The following SLC24A2 variants were observed in gnomAD, a reference collection of about 807,000 sequenced individuals.
The protein encoded by SLC24A2 is solute carrier family 24 member 2.
In SLC24A2, 36 loss-of-function variants were observed where a neutral mutation model predicts 62.0. The ratio of observed to expected loss-of-function variants is 0.58; its 90% CI spans 0.44 to 0.77. SLC24A2 has a LOEUF of 0.77. Ranked by LOEUF, SLC24A2 falls within the 30% of genes least tolerant of loss-of-function variation. The pLI is 0.00. For missense variants in SLC24A2, 846 were observed against 817.9 expected, an observed-to-expected ratio of 1.03 and a Z score of -0.42; for synonymous variants, 358 against 294.0, an observed-to-expected ratio of 1.22 and a Z score of -2.23.
At chr9:20,128,694 G>A in the SLC24A2 span, among the ~76,000 whole-genome samples, 1 of 152,076 alleles carries the variant, frequency 6.6e-6, no homozygotes, top group African/African-American at 2.4e-5. Flanking sequence ...AAGGTGCTAA[G>A]ACCGCTCAAT....
At chr9:20,274,878 G>C in the SLC24A2 span, among the ~76,000 whole-genome samples, 1 of 152,136 alleles carries the variant, frequency 6.6e-6, no homozygotes, top group East Asian at 1.9e-4. Flanking sequence ...GGTGGTACTA[G>C]ACATCAGTCA....
the SLC24A2 span, among the ~76,000 whole-genome samples, chr9:20,145,789 A>G: frequency 2.6e-5 from 4 of 152,008 alleles, no homozygotes; most frequent in Non-Finnish European, 4.4e-5. Flanking sequence ...ATATATGTAT[A>G]TGTGTATATG....
At chr9:19,725,069 T>C (rs578191420) in intron 2 of SLC24A2, among the ~76,000 whole-genome samples, 1 of 152,258 alleles carries the variant, frequency 6.6e-6, no homozygotes, top group African/African-American at 2.4e-5. Flanking sequence ...TTCAGTACTG[T>C]ACATGCCAGT....
chr9:20,215,753 C>A, the SLC24A2 span, among the ~76,000 whole-genome samples: 1 of 152,156 alleles, frequency 6.6e-6, no homozygotes, highest in Non-Finnish European at 1.5e-5. Context: ...TTTTTGGTAA[C>A]AGATCCACCC....
the SLC24A2 span, among the ~76,000 whole-genome samples, chr9:20,127,531 C>T: frequency 1.3e-5 from 2 of 152,082 alleles, no homozygotes; most frequent in Non-Finnish European, 2.9e-5. Flanking sequence ...GTTTAATCCC[C>T]AGTTTCATCT....
chr9:19,576,915 T>C lies in SLC24A2; in HGVS notation c.1228+9A>G, dbSNP rs1487364156. 2 of 1,600,522 alleles carry C rather than the reference T, an allele frequency of 1.2e-6. No individual in the cohort carries two copies. Among genetic ancestry groups the C allele is most frequent in the Admixed American group, 3.3e-5 (2 of 60,000 alleles). On this transcript the variant is annotated intron_variant, in intron 6 of 10. Transcript: ENST00000341998. The stretch of plus-strand genomic sequence containing the variant: ...GAAAGGTATGGGGTGGATGTTTCCC[T>C]GCACTCACCCACGTGGTTGGCAGCC...
the SLC24A2 span, among the ~76,000 whole-genome samples, chr9:20,152,276 C>A: frequency 6.6e-6 from 1 of 151,878 alleles, no homozygotes; most frequent in Admixed American, 6.6e-5. Flanking sequence ...TTTAAAACCT[C>A]TTTGGGGATT....
chr9:19,753,534 T>C (rs1429027988), intron 2 of SLC24A2, among the ~76,000 whole-genome samples: 1 of 152,238 alleles, frequency 6.6e-6, no homozygotes, highest in African/African-American at 2.4e-5. Context: ...ACCATCTTCC[T>C]TTAGTGTTGC....
chr9:19,519,874 T>C (rs563327744), intron 10 of SLC24A2, among the ~76,000 whole-genome samples: 2 of 151,770 alleles, frequency 1.3e-5, no homozygotes, highest in South Asian at 2.1e-4. Context: ...CAGCAGAGTT[T>C]TATGCACAGA....
At chr9:20,226,908 A>T in the SLC24A2 span, among the ~76,000 whole-genome samples, 1 of 152,198 alleles carries the variant, frequency 6.6e-6, no homozygotes, top group African/African-American at 2.4e-5. Context: ...TTAGGGAAAT[A>T]ATTTAGGACT....
intron 2 of SLC24A2, among the ~76,000 whole-genome samples, chr9:19,688,075 A>C (rs1377728601): frequency 6.6e-6 from 1 of 152,140 alleles, no homozygotes; most frequent in Non-Finnish European, 1.5e-5. Flanking sequence ...TGATGGGTGA[A>C]ATGATTTCTA....
chr9:19,769,435 C>T (rs1194426155), intron 2 of SLC24A2, among the ~76,000 whole-genome samples: 1 of 152,246 alleles, frequency 6.6e-6, no homozygotes, highest in African/African-American at 2.4e-5. Flanking sequence ...TCAACACTTC[C>T]ACTGTCTCTA....
chr9:20,295,036 G>GTATGTATATATATATATA, the SLC24A2 span, among the ~76,000 whole-genome samples: 3 of 145,622 alleles, frequency 2.1e-5, no homozygotes, highest in African/African-American at 7.5e-5. Flanking sequence ...GTGTATATAT[G>GTATGTATATATATATATA]TATATATATA....
the SLC24A2 span, among the ~76,000 whole-genome samples, chr9:20,243,381 T>C: frequency 6.6e-6 from 1 of 152,332 alleles, no homozygotes; most frequent in South Asian, 2.1e-4. Context: ...ATTTATGAAA[T>C]ATTTGACACA....
the SLC24A2 span, among the ~76,000 whole-genome samples, chr9:20,100,094 C>T: frequency 5.3e-5 from 8 of 152,106 alleles, no homozygotes; most frequent in Admixed American, 1.3e-4. Context: ...TTGACAGCCT[C>T]GTCCTCCTGG....
intron 5 of SLC24A2, among the ~76,000 whole-genome samples, chr9:19,587,830 T>C (rs569153258): frequency 2.0e-5 from 3 of 152,218 alleles, no homozygotes; most frequent in Admixed American, 6.5e-5. Context: ...CTTCTACATA[T>C]GCAATGTGAC....
At chr9:20,205,654 A>C in the SLC24A2 span, among the ~76,000 whole-genome samples, 2 of 149,600 alleles carry the variant, frequency 1.3e-5, no homozygotes. Context: ...CCATCTAAAA[A>C]AAAAAAAAAA....
At chr9:20,182,884 G>A in the SLC24A2 span, among the ~76,000 whole-genome samples, 1 of 152,108 alleles carries the variant, frequency 6.6e-6, no homozygotes, top group Admixed American at 6.6e-5. Context: ...GGTAACAATA[G>A]GTATACATTG....
the SLC24A2 span, among the ~76,000 whole-genome samples, chr9:19,991,039 T>C: frequency 3.2e-4 from 4 of 12,556 alleles, no homozygotes; most frequent in South Asian, 1.7e-3. Context: ...TATACACACA[T>C]ACATACATAC....
Sources: gnomAD v4.1 joint callset for allele counts (sites outside exome capture counted in the v4.1 genomes callset) on GRCh38, gnomAD v4.1.1 for gene constraint, MANE v1.5 for transcripts, NCBI Gene and HGNC (gene_info 2026-07-23, HGNC 2026-07-21) for gene names.